The following PTPRD variants were observed in gnomAD, a reference collection of about 807,000 sequenced individuals.
PTPRD encodes the protein receptor-type tyrosine-protein phosphatase delta.
PTPRD carries 34 observed loss-of-function variants against 214.5 expected under a neutral mutation model. That is an observed-to-expected ratio of 0.16 (90% CI 0.12 to 0.21). The LOEUF (loss-of-function observed/expected upper bound fraction) is 0.21. Ranked by LOEUF, PTPRD falls within the 10% of genes least tolerant of loss-of-function variation. The probability of loss-of-function intolerance (pLI) is 1.00; values close to 1 mark genes in which losing one functional copy is unlikely to be tolerated. For missense variants in PTPRD, 2,545 were observed against 2,398.7 expected (o/e 1.06, Z -1.27); for synonymous variants, 1,128 against 845.7 (o/e 1.33, Z -5.79).
intron 3 of PTPRD, among the ~76,000 whole-genome samples, chr9:10,133,107 C>T (rs1040531648): frequency 9.2e-5 from 14 of 152,104 alleles, no homozygotes; most frequent in South Asian, 2.1e-4. Flanking sequence ...ACACAGCCAA[C>T]GAGGACATTC....
intron 3 of PTPRD, among the ~76,000 whole-genome samples, chr9:10,072,010 T>C (rs2098029937): frequency 6.6e-6 from 1 of 151,904 alleles, no homozygotes; most frequent in Admixed American, 6.6e-5. Context: ...ATGAAAAAAT[T>C]GGTAAGGTTT....
At chr9:10,561,205 A>T (rs1297472977) in intron 2 of PTPRD, among the ~76,000 whole-genome samples, 2 of 152,190 alleles carry the variant, frequency 1.3e-5, no homozygotes, top group Non-Finnish European at 2.9e-5. Flanking sequence ...GTGAAACTTT[A>T]GAGCAGGTTA....
intron 9 of PTPRD, among the ~76,000 whole-genome samples, chr9:9,340,848 T>A (rs2046511979): frequency 6.6e-6 from 1 of 152,160 alleles, no homozygotes; most frequent in Non-Finnish European, 1.5e-5. Context: ...GTTACATTCC[T>A]GAAGAAGGCA....
At chr9:9,151,578 T>G (rs1019610092) in intron 10 of PTPRD, among the ~76,000 whole-genome samples, 1 of 152,214 alleles carries the variant, frequency 6.6e-6, no homozygotes, top group African/African-American at 2.4e-5. Context: ...GAATACCAAC[T>G]AGGAAACTTT....
intron 11 of PTPRD, among the ~76,000 whole-genome samples, chr9:8,870,687 AACACACACACACAC>A (rs3046878): frequency 1.4e-4 from 19 of 131,370 alleles, no homozygotes; most frequent in Admixed American, 6.2e-4. Context: ...ACAGACATGA[AACACACACACACAC>A]ACACACACAC....
chr9:9,524,700 A>G (rs2154258552), intron 8 of PTPRD, among the ~76,000 whole-genome samples: 1 of 152,256 alleles, frequency 6.6e-6, no homozygotes, highest in South Asian at 2.1e-4. Flanking sequence ...ATTGATCCTG[A>G]CTGTATTATC....
At chr9:10,151,547 C>A (rs2099061355) in intron 3 of PTPRD, among the ~76,000 whole-genome samples, 1 of 152,042 alleles carries the variant, frequency 6.6e-6, no homozygotes, top group Non-Finnish European at 1.5e-5. Flanking sequence ...AGGAGTGAGC[C>A]ACCGTGCCCA....
chr9:8,653,774 T>G (rs1444798752), intron 12 of PTPRD, among the ~76,000 whole-genome samples: 1 of 152,206 alleles, frequency 6.6e-6, no homozygotes, highest in Non-Finnish European at 1.5e-5. Flanking sequence ...AACATGAACT[T>G]GATGGCAAGT....
At chr9:9,895,731 T>C (rs1382291114) in intron 5 of PTPRD, among the ~76,000 whole-genome samples, 3 of 152,054 alleles carry the variant, frequency 2.0e-5, no homozygotes, top group Non-Finnish European at 4.4e-5. Context: ...TGAGCAATTA[T>C]TTTTGTTTCT....
chr9:10,057,095 A>G (rs2097666411), intron 3 of PTPRD, among the ~76,000 whole-genome samples: 1 of 152,148 alleles, frequency 6.6e-6, no homozygotes, highest in Non-Finnish European at 1.5e-5. Context: ...TTATTCCCCA[A>G]ATATCTAACC....
chr9:8,450,295 G>A (rs1213103639), intron 33 of PTPRD, among the ~76,000 whole-genome samples: 1 of 152,140 alleles, frequency 6.6e-6, no homozygotes, highest in African/African-American at 2.4e-5. Flanking sequence ...GTATATATAA[G>A]TGGTGACTAC....
intron 5 of PTPRD, among the ~76,000 whole-genome samples, chr9:9,846,014 A>T (rs1057425812): frequency 6.6e-6 from 1 of 152,102 alleles, no homozygotes; most frequent in Admixed American, 6.6e-5. Context: ...ATATTAATCT[A>T]CTTTTGTCTT....
chr9:8,492,801 C>T (rs1216037521), intron 27 of PTPRD, 61 bp downstream of exon 27: 1 of 1,233,496 alleles, frequency 8.1e-7, no homozygotes, highest in Non-Finnish European at 1.2e-6. Flanking sequence ...TAGAAGCTAC[C>T]TATACCATTT....
intron 9 of PTPRD, among the ~76,000 whole-genome samples, chr9:9,392,589 C>T (rs1227514986): frequency 3.9e-5 from 6 of 152,054 alleles, no homozygotes; most frequent in Admixed American, 6.6e-5. Context: ...AGTTTTGCTA[C>T]CTTTGCTGTG....
Position 9,457,812 on chromosome 9 carries a change from T to C in PTPRD, c.-236-60330A>G, listed in dbSNP as rs371915584. ...GTTTTACTGGGACAAATTATGTATG[T>C]TCCCCTCTCATAACTTTACCCCAGG... On this transcript the variant is annotated intron_variant, in intron 8 of 45. Transcript: ENST00000381196. Among the ~76,000 whole-genome samples the C allele has an allele frequency of 2.8e-4, 43 of 152,120 alleles. 3 individuals are homozygous for C. Among genetic ancestry groups the C allele is most frequent in the Admixed American group, 2.0e-3 (30 of 15,252 alleles).
intron 5 of PTPRD, among the ~76,000 whole-genome samples, chr9:9,839,706 A>G (rs952500779): frequency 1.3e-5 from 2 of 152,154 alleles, no homozygotes; most frequent in African/African-American, 4.8e-5. Context: ...AAACGACTTT[A>G]AAGTTCGTAT....
chr9:8,338,033 T>G (rs1293103783), intron 43 of PTPRD, among the ~76,000 whole-genome samples: 4 of 152,092 alleles, frequency 2.6e-5, no homozygotes, highest in Admixed American at 6.6e-5. Flanking sequence ...TCTCTTTCAC[T>G]TAAGGTCAAC....
At chr9:8,612,457 T>C (rs910533061) in intron 14 of PTPRD, among the ~76,000 whole-genome samples, 8 of 152,180 alleles carry the variant, frequency 5.3e-5, no homozygotes, top group Admixed American at 1.3e-4. Context: ...AGATAGATCA[T>C]TTGAGAGGCT....
intron 3 of PTPRD, among the ~76,000 whole-genome samples, chr9:10,210,811 ATATATATATATGTATG>A (rs1356223740): frequency 8.3e-4 from 82 of 99,280 alleles, no homozygotes; most frequent in Non-Finnish European, 1.1e-3. Context: ...ATATATATAT[ATATATATATATGTATG>A]TATGTATGTA....
Sources: gnomAD v4.1 joint callset for allele counts (sites outside exome capture counted in the v4.1 genomes callset) on GRCh38, gnomAD v4.1.1 for gene constraint, MANE v1.5 for transcripts, NCBI Gene and HGNC (gene_info 2026-07-23, HGNC 2026-07-21) for gene names.